ROBO2: variants seen among roughly 807,000 people sequenced by gnomAD.
ROBO2 encodes the protein roundabout homolog 2.
In ROBO2, 53 loss-of-function variants were observed where a neutral mutation model predicts 160.8. The ratio of observed to expected loss-of-function variants is 0.33; its 90% CI spans 0.26 to 0.41. The LOEUF (loss-of-function observed/expected upper bound fraction) is 0.41, where lower values mean the gene tolerates loss of function less well. Ranked by LOEUF, ROBO2 falls within the 10% of genes least tolerant of loss-of-function variation. The pLI is 1.00. For synonymous variants in ROBO2, 664 were observed against 611.7 expected, an observed-to-expected ratio of 1.09 and a Z score of -1.26; for missense variants, 1,577 against 1,722.4, an observed-to-expected ratio of 0.92 and a Z score of 1.49.
At chr3:75,920,224 TTG>T (rs1946977832) in intron 1 of ROBO2, among the ~76,000 whole-genome samples, 2 of 152,244 alleles carry the variant, frequency 1.3e-5, no homozygotes, top group African/African-American at 4.8e-5. Flanking sequence ...TTCTGGTATG[TTG>T]TGTCTTTGTT....
intron 1 of ROBO2, chr3:75,907,076 C>G (rs1485959689): frequency 2.6e-5 from 4 of 152,306 alleles, no homozygotes; most frequent in African/African-American, 9.7e-5. Flanking sequence ...CACGGAAGGT[C>G]TTGGCGGTGG....
intron 2 of ROBO2, among the ~76,000 whole-genome samples, chr3:77,326,849 G>A (rs540168643): frequency 1.7e-4 from 26 of 152,094 alleles, no homozygotes; most frequent in East Asian, 1.9e-4. Flanking sequence ...AGCTGTGGAC[G>A]TACCTTTCAT....
At chr3:77,181,878 C>G (rs2080821654) in intron 2 of ROBO2, among the ~76,000 whole-genome samples, 1 of 152,070 alleles carries the variant, frequency 6.6e-6, no homozygotes, top group South Asian at 2.1e-4. Flanking sequence ...TTGATTCAGT[C>G]AGCCATTACA....
At chr3:76,797,265 G>C (rs2063772204) in intron 2 of ROBO2, among the ~76,000 whole-genome samples, 1 of 151,926 alleles carries the variant, frequency 6.6e-6, no homozygotes, top group South Asian at 2.1e-4. Flanking sequence ...GACCACAATG[G>C]AATAAAATTG....
intron 2 of ROBO2, among the ~76,000 whole-genome samples, chr3:76,148,632 G>C (rs1227210393): frequency 1.3e-5 from 2 of 151,972 alleles, no homozygotes; most frequent in African/African-American, 2.4e-5. Context: ...ATCTTGCCAA[G>C]TCCCAGTGTT....
intron 2 of ROBO2, among the ~76,000 whole-genome samples, chr3:76,642,810 A>C (rs2090764819): frequency 6.6e-6 from 1 of 152,206 alleles, no homozygotes; most frequent in Non-Finnish European, 1.5e-5. Flanking sequence ...ACGTAAAACC[A>C]TGAAATATTA....
intron 2 of ROBO2, among the ~76,000 whole-genome samples, chr3:76,717,920 A>G (rs1164728063): frequency 2.0e-5 from 3 of 152,230 alleles, no homozygotes; most frequent in African/African-American, 7.2e-5. Context: ...TTACTAATAA[A>G]AATACTTTGC....
Position 76,223,420 on chromosome 3 carries a change from G to A in ROBO2, c.109+285818G>A, listed in dbSNP as rs530735450. ...AGGGAGGCCACTTTCACCCAGGGTG[G>A]GGAGGCTACTTTTCTTGGGGTTGGA... On this transcript the variant is annotated intron_variant, in intron 2 of 26. Coordinates refer to the ROBO2 transcript ENST00000487694. 2.0e-5 allele frequency among the ~76,000 whole-genome samples: 3 copies of A among 151,978 alleles called. No homozygotes were observed. In the South Asian group the frequency reaches 6.3e-4, roughly 32 times the overall value.
At chr3:77,537,100 G>GGGA (rs1553650183) in intron 6 of ROBO2, among the ~76,000 whole-genome samples, 2 of 17,288 alleles carry the variant, frequency 1.2e-4, no homozygotes, top group Non-Finnish European at 2.5e-4. Context: ...CATATTTTGT[G>GGGA]GGGGGGGGGT....
At chr3:77,260,880 C>G (rs745863730) in intron 2 of ROBO2, among the ~76,000 whole-genome samples, 1 of 152,032 alleles carries the variant, frequency 6.6e-6, no homozygotes, top group Non-Finnish European at 1.5e-5. Context: ...TTGGGGGTGG[C>G]TTTGTGGGTG....
At chr3:76,872,219 A>T (rs193214155) in intron 2 of ROBO2, among the ~76,000 whole-genome samples, 10 of 152,340 alleles carry the variant, frequency 6.6e-5, no homozygotes, top group Admixed American at 3.9e-4. Context: ...ATTTATCTTG[A>T]TGACCAGAAG....
intron 2 of ROBO2, among the ~76,000 whole-genome samples, chr3:77,408,082 T>A (rs966776874): frequency 1.3e-5 from 2 of 148,378 alleles, no homozygotes; most frequent in Admixed American, 6.8e-5. Flanking sequence ...GGAGGGAGGA[T>A]CAGAGAACAA....
chr3:76,927,493 T>C (rs1331829636), intron 2 of ROBO2, among the ~76,000 whole-genome samples: 1 of 152,228 alleles, frequency 6.6e-6, no homozygotes, highest in Non-Finnish European at 1.5e-5. Context: ...TATTTCTTAA[T>C]ACTAGAATTG....
At chr3:76,310,695 T>C (rs764736522) in intron 2 of ROBO2, among the ~76,000 whole-genome samples, 86 of 152,214 alleles carry the variant, frequency 5.6e-4, no homozygotes, top group Non-Finnish European at 5.6e-4. Flanking sequence ...ATAGATTAAC[T>C]ACCCTCTGTG....
Position 76,998,068 on chromosome 3 carries a change from A to G in ROBO2, c.110-99946A>G, listed in dbSNP as rs543248819. ...TATTCTATTGGCCAAAGCAAGCCAC[A>G]AGACCAGCTCAGAATCCAGGGTGGA... is the stretch of plus-strand genomic sequence containing the variant. On this transcript the variant is annotated intron_variant, in intron 2 of 26. Transcript: ENST00000487694. Among the ~76,000 whole-genome samples, 8 of 152,296 alleles carry G rather than the reference A, an allele frequency of 5.3e-5. No individual in the cohort carries two copies. The South Asian group carries it at 1.7e-3, about 32-fold the overall frequency.
At chr3:77,510,998 G>C (rs73105307) in intron 5 of ROBO2, among the ~76,000 whole-genome samples, 367 of 152,046 alleles carry the variant, frequency 2.4e-3, no homozygotes, top group Admixed American at 3.9e-3. Context: ...TCACAAATCA[G>C]GAAACAGGTA....
At chr3:76,710,126 C>T (rs1191559586) in intron 2 of ROBO2, among the ~76,000 whole-genome samples, 2 of 147,138 alleles carry the variant, frequency 1.4e-5, no homozygotes, top group Non-Finnish European at 3.0e-5. Context: ...TTTTTCTTTT[C>T]TTTTTTTTTT....
At position 76,272,803 on chromosome 3, in the gene ROBO2, A is replaced by AT. The variant is rs1462029278; in HGVS notation, c.109+335201_109+335202insT. On this transcript the variant is annotated intron_variant, in intron 2 of 26. Coordinates refer to the ROBO2 transcript ENST00000487694. ...AAAATATATAAAATATATATATATA[A>AT]AATATATAATATGTATTTATATATA... 3.4e-4 allele frequency among the ~76,000 whole-genome samples: 22 copies of AT among 64,900 alleles called. 1 individual carries two copies. The highest frequency in any genetic ancestry group is 3.1e-3 in the South Asian group (6 of 1,912). 42.6% of individuals were successfully genotyped at this position (64,900 alleles called of 152,430 possible).
chr3:76,779,469 A>G (rs1446117765), intron 2 of ROBO2, among the ~76,000 whole-genome samples: 1 of 150,932 alleles, frequency 6.6e-6, no homozygotes, highest in East Asian at 2.0e-4. Context: ...TATCTCCCAT[A>G]ACTGAAACTT....
Sources: gnomAD v4.1 joint callset for allele counts (sites outside exome capture counted in the v4.1 genomes callset) on GRCh38, gnomAD v4.1.1 for gene constraint, MANE v1.5 for transcripts, NCBI Gene and HGNC (gene_info 2026-07-23, HGNC 2026-07-21) for gene names.